THSD7B: variants seen among roughly 807,000 people sequenced by gnomAD.
THSD7B encodes thrombospondin type 1 domain containing 7B.
A neutral mutation model predicts 213.6 loss-of-function variants in THSD7B; 138 were observed. The observed-to-expected ratio is 0.65, with a 90% confidence interval of 0.56 to 0.74. THSD7B has a LOEUF of 0.74. THSD7B is among the 30% of genes least tolerant of loss of function. THSD7B has a pLI of 0.00. For synonymous variants in THSD7B, 742 were observed against 687.0 expected (o/e 1.08, Z -1.25); for missense variants, 1,931 against 1,991.5 (o/e 0.97, Z 0.58).
At chr2:137,570,348 G>A (rs778741822) in intron 16 of THSD7B, among the ~76,000 whole-genome samples, 141 of 151,746 alleles carry the variant, frequency 9.3e-4, no homozygotes, top group Middle Eastern at 6.8e-3. Flanking sequence ...TCGCCCTGTC[G>A]TCCAGGCTGG....
chr2:137,221,309 A>C (rs112920370), intron 7 of THSD7B, among the ~76,000 whole-genome samples: 1 of 152,080 alleles, frequency 6.6e-6, no homozygotes, highest in African/African-American at 2.4e-5. Flanking sequence ...AACAAAAACA[A>C]AAACAAAAAG....
At chr2:137,450,400 A>G (rs544966562) in intron 14 of THSD7B, among the ~76,000 whole-genome samples, 1 of 152,290 alleles carries the variant, frequency 6.6e-6, no homozygotes, top group African/African-American at 2.4e-5. Flanking sequence ...TCCTCTTCCC[A>G]TCCCCAAGTC....
At chr2:137,340,039 T>C (rs2104905779) in intron 12 of THSD7B, among the ~76,000 whole-genome samples, 1 of 151,976 alleles carries the variant, frequency 6.6e-6, no homozygotes, top group South Asian at 2.1e-4. Context: ...TAGTTCAGTG[T>C]TTGGTACATT....
intron 2 of THSD7B, among the ~76,000 whole-genome samples, chr2:137,010,863 T>C (rs369165239): frequency 9.2e-5 from 14 of 152,116 alleles, no homozygotes; most frequent in African/African-American, 3.1e-4. Context: ...TCTCACTATC[T>C]AATTTCAAGT....
intron 12 of THSD7B, among the ~76,000 whole-genome samples, chr2:137,310,005 C>T (rs1683854894): frequency 6.6e-6 from 1 of 151,280 alleles, no homozygotes. Flanking sequence ...GATTTATAGT[C>T]CTTTGGGTAT....
chr2:137,620,993 C>G (rs537371352), intron 20 of THSD7B, among the ~76,000 whole-genome samples: 3 of 152,220 alleles, frequency 2.0e-5, no homozygotes, highest in African/African-American at 7.2e-5. Flanking sequence ...ATAAGCTCAA[C>G]AAATTGAAAA....
intron 15 of THSD7B, among the ~76,000 whole-genome samples, chr2:137,519,424 C>A (rs1476940935): frequency 6.6e-6 from 1 of 152,150 alleles, no homozygotes; most frequent in Non-Finnish European, 1.5e-5. Context: ...TGAGCAAGAG[C>A]TGTTGTTCCT....
intron 17 of THSD7B, among the ~76,000 whole-genome samples, chr2:137,606,755 G>A (rs1219150011): frequency 6.6e-6 from 1 of 151,906 alleles, no homozygotes; most frequent in Non-Finnish European, 1.5e-5. Flanking sequence ...CTGGGGCTTA[G>A]GATAAAGAAA....
At chr2:136,795,143 G>A (rs1682038871) in intron 1 of THSD7B, among the ~76,000 whole-genome samples, 3 of 151,972 alleles carry the variant, frequency 2.0e-5, no homozygotes, top group South Asian at 2.1e-4. Context: ...CAGCATAAAT[G>A]AATTTTCTTA....
chr2:137,241,801 T>A (rs1471556016), intron 9 of THSD7B, among the ~76,000 whole-genome samples: 1 of 151,670 alleles, frequency 6.6e-6, no homozygotes, highest in Non-Finnish European at 1.5e-5. Context: ...CCCAGCTACT[T>A]GAGAGGCTGA....
At chr2:137,455,982 C>A (rs1687755177) in intron 15 of THSD7B, among the ~76,000 whole-genome samples, 1 of 152,104 alleles carries the variant, frequency 6.6e-6, no homozygotes, top group African/African-American at 2.4e-5. Flanking sequence ...TTATTAATTA[C>A]AAAGCACATG....
intron 7 of THSD7B, among the ~76,000 whole-genome samples, chr2:137,217,927 A>G (rs766292046): frequency 5.9e-5 from 9 of 152,160 alleles, no homozygotes; most frequent in Non-Finnish European, 1.0e-4. Flanking sequence ...GTTATGTCTC[A>G]GGAAAAAATG....
chr2:137,623,374 AC>A (rs1474276598), intron 20 of THSD7B, among the ~76,000 whole-genome samples: 1 of 152,228 alleles, frequency 6.6e-6, no homozygotes, highest in Non-Finnish European at 1.5e-5. Context: ...CCAATATCAT[AC>A]TGAATGGGCA....
intron 12 of THSD7B, 116 bp from the exon 13 acceptor site, chr2:137,405,497 C>A: frequency 2.2e-6 from 2 of 908,242 alleles, no homozygotes; most frequent in Non-Finnish European, 1.6e-6. Context: ...ACACCGTTTG[C>A]ACCATTTGTG....
At chr2:137,554,829 A>C (rs1483129426) in intron 15 of THSD7B, among the ~76,000 whole-genome samples, 1 of 152,218 alleles carries the variant, frequency 6.6e-6, no homozygotes, top group African/African-American at 2.4e-5. Flanking sequence ...AGGCACTTGG[A>C]AAATCGGGTC....
intron 15 of THSD7B, among the ~76,000 whole-genome samples, chr2:137,516,475 A>G (rs528643534): frequency 4.0e-4 from 61 of 152,186 alleles, no homozygotes; most frequent in Non-Finnish European, 7.8e-4. Flanking sequence ...TTACCAGGGT[A>G]ACTGCACTGG....
chr2:136,801,399 T>A (rs968886658), intron 1 of THSD7B, among the ~76,000 whole-genome samples: 2 of 151,904 alleles, frequency 1.3e-5, no homozygotes, highest in African/African-American at 4.8e-5. Context: ...GTAGACTTGG[T>A]TGTATCTAGA....
At chr2:137,002,562 T>C (rs1686020616) in intron 2 of THSD7B, among the ~76,000 whole-genome samples, 1 of 152,214 alleles carries the variant, frequency 6.6e-6, no homozygotes, top group African/African-American at 2.4e-5. Context: ...TATGAAATTT[T>C]AGAAGACAGA....
intron 7 of THSD7B, among the ~76,000 whole-genome samples, chr2:137,173,443 A>G (rs1428323076): frequency 6.6e-6 from 1 of 152,160 alleles, no homozygotes; most frequent in Non-Finnish European, 1.5e-5. Context: ...AACTTCTTTC[A>G]TAATTTATGC....
Sources: gnomAD v4.1 joint callset for allele counts (sites outside exome capture counted in the v4.1 genomes callset) on GRCh38, gnomAD v4.1.1 for gene constraint, MANE v1.5 for transcripts, NCBI Gene and HGNC (gene_info 2026-07-23, HGNC 2026-07-21) for gene names.